GNB1L: variants seen among roughly 807,000 people sequenced by gnomAD.
GNB1L encodes the protein guanine nucleotide-binding protein subunit beta-like protein 1.
GNB1L carries 20 observed loss-of-function variants against 29.1 expected under a neutral mutation model. The ratio of observed to expected loss-of-function variants is 0.69; its 90% CI spans 0.48 to 1.00. The LOEUF is 1.00. Ranked by LOEUF, GNB1L falls within the 50% of genes least tolerant of loss-of-function variation. GNB1L has a pLI of 0.00. For synonymous variants in GNB1L, 193 were observed against 206.5 expected (o/e 0.93, Z 0.56); for missense variants, 421 against 464.9 (o/e 0.91, Z 0.87).
chr22:19,808,911 C>T (rs1441990948), intron 5 of GNB1L, among the ~76,000 whole-genome samples: 1 of 152,104 alleles, frequency 6.6e-6, no homozygotes. Context: ...CTGTGAGAGC[C>T]ACCGTCAGGG....
chr22:19,802,316 T>C, intron 6 of GNB1L, 100 bp from the exon 7 acceptor site: 1 of 934,718 alleles, frequency 1.1e-6, no homozygotes, highest in Non-Finnish European at 1.6e-6. Flanking sequence ...TCCTGCTGGC[T>C]GGGGCTGTTT....
Position 19,824,709 on chromosome 22 carries a change from G to A in GNB1L, c.-20-3334C>T, listed in dbSNP as rs930727749. Among the ~76,000 whole-genome samples the A allele has an allele frequency of 3.3e-5, 5 of 152,318 alleles. No homozygotes were observed. The East Asian group carries it at 7.7e-4, about 24-fold the overall frequency. ...TGGGTGTGGGGACCAGCGGGTAGGTGCAACTGGCAGAGAGGTCCACAGACA... is the reference window on the plus strand; with the variant it reads ...TGGGTGTGGGGACCAGCGGGTAGGTACAACTGGCAGAGAGGTCCACAGACA... On this transcript the variant is annotated intron_variant, in intron 2 of 7. Coordinates refer to ENST00000329517, the MANE Select transcript of GNB1L (RefSeq NM_053004.3).
intron 4 of GNB1L, among the ~76,000 whole-genome samples, chr22:19,818,175 C>T (rs960141069): frequency 3.3e-5 from 5 of 152,242 alleles, no homozygotes; most frequent in Non-Finnish European, 5.9e-5. Context: ...CACTACAGCA[C>T]CATCCCAGCA....
rs1182123829 is a variant in GNB1L, at chr22:19,788,396, C to G, written c.*313G>C. 1.7e-6 allele frequency: 1 copy of G among 588,964 alleles called. No homozygotes were observed. Among genetic ancestry groups the G allele is most frequent in the Non-Finnish European group, 3.0e-6 (1 of 330,556 alleles). 36.5% of individuals were successfully genotyped at this position (588,964 alleles called of 1,614,324 possible). A position where few individuals can be genotyped will look rare whatever the true frequency, so the allele number is the denominator to read the frequency against. On this transcript the variant is annotated 3_prime_UTR_variant, in exon 8 of 8. Coordinates refer to ENST00000329517, the MANE Select transcript of GNB1L (RefSeq NM_053004.3). ...GGGACCAGGGCCTCCTCAGGGAGCT[C>G]CCACCTCAAGCCTGCAACTTGGCAA... is the stretch of plus-strand genomic sequence containing the variant.
intron 2 of GNB1L, among the ~76,000 whole-genome samples, chr22:19,823,999 G>A (rs904767449): frequency 6.6e-5 from 10 of 152,330 alleles, no homozygotes; most frequent in Admixed American, 1.3e-4. Flanking sequence ...GGGGCCTGGC[G>A]GGAGTTTCCA....
At chr22:19,825,891 C>T (rs759684339) in intron 2 of GNB1L, among the ~76,000 whole-genome samples, 1 of 151,706 alleles carries the variant, frequency 6.6e-6, no homozygotes, top group Non-Finnish European at 1.5e-5. Flanking sequence ...CCAAGAGTTC[C>T]AGGCTACAGT....
At chr22:19,814,644 C>T (rs147384967) in intron 4 of GNB1L, among the ~76,000 whole-genome samples, 116 of 152,298 alleles carry the variant, frequency 7.6e-4, no homozygotes, top group African/African-American at 2.7e-3. Flanking sequence ...GGATGAGAAA[C>T]CTCACTTCTG....
At chr22:19,832,252 C>T (rs1333604276) in intron 2 of GNB1L, among the ~76,000 whole-genome samples, 1 of 152,168 alleles carries the variant, frequency 6.6e-6, no homozygotes, top group Non-Finnish European at 1.5e-5. Flanking sequence ...ATCACTTAAG[C>T]CCAGGAGTTC....
At chr22:19,849,172 G>C in intron 2 of GNB1L, 1 of 985,370 alleles carries the variant, frequency 1.0e-6, no homozygotes, top group Non-Finnish European at 1.2e-6. Context: ...CACTTGCTTT[G>C]CTACCAGGGC....
intron 7 of GNB1L, among the ~76,000 whole-genome samples, chr22:19,793,964 T>C (rs1450907959): frequency 1.6e-4 from 24 of 152,194 alleles, no homozygotes. Flanking sequence ...TGTTATGTTT[T>C]TTATTTCTTG....
chr22:19,851,260 T>C (rs1938088909), intron 2 of GNB1L: 26 of 1,609,850 alleles, frequency 1.6e-5, no homozygotes, highest in Non-Finnish European at 2.2e-5. Context: ...GGTCTCCCTC[T>C]GTCTCCAAAA....
intron 4 of GNB1L, among the ~76,000 whole-genome samples, chr22:19,815,237 T>C (rs1297596059): frequency 6.6e-6 from 1 of 152,176 alleles, no homozygotes; most frequent in Non-Finnish European, 1.5e-5. Flanking sequence ...GTGTGCGGTG[T>C]GCAGTTGCGG....
intron 2 of GNB1L, among the ~76,000 whole-genome samples, chr22:19,827,757 C>T (rs540151821): frequency 2.6e-5 from 4 of 152,266 alleles, no homozygotes; most frequent in South Asian, 4.1e-4. Flanking sequence ...CACACGGAAA[C>T]GACCACTTTG....
intron 5 of GNB1L, among the ~76,000 whole-genome samples, chr22:19,811,883 C>T (rs1307550296): frequency 1.3e-5 from 2 of 152,150 alleles, no homozygotes; most frequent in East Asian, 1.9e-4. Flanking sequence ...CTCCTGCCAG[C>T]TGCCCCGGAG....
chr22:19,846,443 C>T, intron 2 of GNB1L: 2 of 985,362 alleles, frequency 2.0e-6, no homozygotes, highest in Non-Finnish European at 2.4e-6. Context: ...CCCCACTCCT[C>T]AGTATGGGCC....
intron 4 of GNB1L, among the ~76,000 whole-genome samples, chr22:19,817,311 T>C (rs1386784724): frequency 6.6e-6 from 1 of 152,016 alleles, no homozygotes; most frequent in Non-Finnish European, 1.5e-5. Context: ...TGAAACCCCA[T>C]CTCTAGTAAA....
chr22:19,789,659 G>A (rs542407847), intron 7 of GNB1L, among the ~76,000 whole-genome samples: 66 of 152,184 alleles, frequency 4.3e-4, no homozygotes, highest in African/African-American at 1.6e-3. Flanking sequence ...CGTGCACGGG[G>A]CCGTCGGGGT....
intron 5 of GNB1L, among the ~76,000 whole-genome samples, chr22:19,808,513 A>G (rs1224229421): frequency 6.6e-6 from 1 of 152,232 alleles, no homozygotes; most frequent in Non-Finnish European, 1.5e-5. Flanking sequence ...GCAGGAGGGT[A>G]AAACAGAGGT....
intron 2 of GNB1L, among the ~76,000 whole-genome samples, chr22:19,845,700 A>G (rs1937945698): frequency 6.6e-6 from 1 of 152,114 alleles, no homozygotes; most frequent in Non-Finnish European, 1.5e-5. Context: ...CCAAAGAAAA[A>G]CTAAGGGAGC....
Sources: allele counts gnomAD v4.1 joint callset (sites outside exome capture counted in the v4.1 genomes callset), GRCh38; gene constraint gnomAD v4.1.1; transcripts MANE v1.5; gene names NCBI Gene and HGNC (gene_info 2026-07-23, HGNC 2026-07-21).